The following PKNOX2 variants were observed in gnomAD, a reference collection of about 807,000 sequenced individuals.
PKNOX2 encodes the protein homeobox protein PKNOX2.
A neutral mutation model predicts 53.1 loss-of-function variants in PKNOX2; 14 were observed. The ratio of observed to expected loss-of-function variants is 0.26; its 90% CI spans 0.17 to 0.41. PKNOX2 has a LOEUF of 0.41. Among genes scored for constraint, PKNOX2 ranks in the 10% least tolerant of loss-of-function variants. The probability of loss-of-function intolerance (pLI) is 1.00; values close to 1 mark genes in which losing one functional copy is unlikely to be tolerated. For missense variants in PKNOX2, 496 were observed against 602.8 expected (o/e 0.82, Z 1.85); for synonymous variants, 257 against 242.8 (o/e 1.06, Z -0.54).
At chr11:125,416,117 A>C (rs1955860521) in intron 10 of PKNOX2, among the ~76,000 whole-genome samples, 1 of 151,562 alleles carries the variant, frequency 6.6e-6, no homozygotes, top group South Asian at 2.1e-4. Flanking sequence ...TCCCGGCTAA[A>C]ACGGTGAAAC....
chr11:125,286,183 A>G (rs1946886836), intron 2 of PKNOX2, among the ~76,000 whole-genome samples: 1 of 152,230 alleles, frequency 6.6e-6, no homozygotes, highest in African/African-American at 2.4e-5. Flanking sequence ...GGAATGGGAA[A>G]AAAACAGATG....
intron 9 of PKNOX2, 198 bp downstream of exon 9, chr11:125,411,074 C>T (rs1209026458): frequency 1.8e-6 from 1 of 553,188 alleles, no homozygotes; most frequent in Admixed American, 3.1e-5. Context: ...TGCTGCCTCC[C>T]TCCTGGGGTT....
intron 3 of PKNOX2, among the ~76,000 whole-genome samples, chr11:125,341,788 G>A (rs556019378): frequency 5.2e-5 from 8 of 152,390 alleles, no homozygotes; most frequent in Non-Finnish European, 8.8e-5. Flanking sequence ...TAGGTTGGGC[G>A]ACGGAGGGAG....
Position 125,167,414 on chromosome 11 carries a change from G to A in PKNOX2, c.-201+2638G>A, listed in dbSNP as rs143147023. Among the ~76,000 whole-genome samples, 342 of 152,272 alleles carry A rather than the reference G, an allele frequency of 2.2e-3. 1 individual carries two copies. Among genetic ancestry groups the A allele is most frequent in the African/African-American group, 8.0e-3 (333 of 41,572 alleles). The stretch of plus-strand genomic sequence containing the variant: ...GGAGCTCCAAGGCTGTTGTTTTGTA[G>A]GCTTGGAATTCGTGAGAGCTCTCTC... On this transcript the variant is annotated intron_variant, in intron 1 of 12. Coordinates refer to ENST00000298282, the MANE Select transcript of PKNOX2 (RefSeq NM_001382323.2).
chr11:125,189,435 GTGTGTGTGTGTGTATATATATATA>G (rs1460251261), intron 1 of PKNOX2, among the ~76,000 whole-genome samples: 23 of 79,594 alleles, frequency 2.9e-4, no homozygotes, highest in African/African-American at 8.2e-4. Context: ...GTGTGTGTGT[GTGTGTGTGTGTGTATATATATATA>G]TATATATATA....
chr11:125,335,036 C>T (rs1296256773), intron 3 of PKNOX2, among the ~76,000 whole-genome samples: 1 of 152,196 alleles, frequency 6.6e-6, no homozygotes, highest in African/African-American at 2.4e-5. Context: ...ATCAGAAATG[C>T]TCAGAAAATG....
intron 1 of PKNOX2, among the ~76,000 whole-genome samples, chr11:125,178,645 AGAAG>A (rs1555108397): frequency 3.5e-5 from 1 of 28,566 alleles, no homozygotes; most frequent in Non-Finnish European, 6.2e-5. Context: ...AAAGAAAGAA[AGAAG>A]GAAGGAAGGA....
chr11:125,220,363 A>T (rs752421839), intron 1 of PKNOX2, among the ~76,000 whole-genome samples: 9 of 152,182 alleles, frequency 5.9e-5, no homozygotes, highest in Non-Finnish European at 1.2e-4. Flanking sequence ...TTCTGCCGAG[A>T]GCGGCTGATT....
chr11:125,280,808 G>A, intron 2 of PKNOX2, among the ~76,000 whole-genome samples: 1 of 152,210 alleles, frequency 6.6e-6, no homozygotes, highest in South Asian at 2.1e-4. Flanking sequence ...GCACAGGCAT[G>A]GCAGGGCTCT....
At chr11:125,354,399 C>A (rs1188422201) in intron 4 of PKNOX2, among the ~76,000 whole-genome samples, 2 of 152,178 alleles carry the variant, frequency 1.3e-5, no homozygotes, top group African/African-American at 4.8e-5. Context: ...TGTTTCCTCA[C>A]AACCTGGGCA....
chr11:125,186,579 G>T (rs1956460048), intron 1 of PKNOX2, among the ~76,000 whole-genome samples: 2 of 152,174 alleles, frequency 1.3e-5, no homozygotes, highest in Admixed American at 1.3e-4. Flanking sequence ...TTGAGCCCAG[G>T]AGTTTATGGC....
intron 1 of PKNOX2, among the ~76,000 whole-genome samples, chr11:125,226,653 A>C (rs1941721643): frequency 1.3e-5 from 2 of 151,712 alleles, no homozygotes; most frequent in Admixed American, 1.3e-4. Flanking sequence ...CTCTTCTTTT[A>C]GATTTCCTGC....
chr11:125,216,207 T>C (rs1466307172), intron 1 of PKNOX2, among the ~76,000 whole-genome samples: 1 of 152,202 alleles, frequency 6.6e-6, no homozygotes, highest in Non-Finnish European at 1.5e-5. Flanking sequence ...GCTACAGCTG[T>C]TGTCTACCAG....
At chr11:125,270,680 G>A (rs1945726299) in intron 2 of PKNOX2, among the ~76,000 whole-genome samples, 1 of 152,198 alleles carries the variant, frequency 6.6e-6, no homozygotes, top group South Asian at 2.1e-4. Flanking sequence ...GAAAGCCAAT[G>A]TGGACTCCTC....
At chr11:125,266,516 AG>A (rs888367625) in intron 2 of PKNOX2, 2 of 152,154 alleles carry the variant, frequency 1.3e-5, no homozygotes, top group Admixed American at 1.3e-4. Flanking sequence ...GGAGGCAGGA[AG>A]GGGGTATTAA....
At chr11:125,358,002 G>C (rs1325937897) in intron 4 of PKNOX2, among the ~76,000 whole-genome samples, 1 of 151,978 alleles carries the variant, frequency 6.6e-6, no homozygotes, top group Non-Finnish European at 1.5e-5. Flanking sequence ...AGTCCATGTG[G>C]GGCCTTAGTT....
chr11:125,414,605 T>C (rs1955771736), intron 10 of PKNOX2, among the ~76,000 whole-genome samples: 1 of 152,066 alleles, frequency 6.6e-6, no homozygotes, highest in Non-Finnish European at 1.5e-5. Context: ...TCCCCAATCC[T>C]CAGCTGCTTC....
At chr11:125,172,949 G>C (rs769411145) in intron 1 of PKNOX2, among the ~76,000 whole-genome samples, 1 of 152,156 alleles carries the variant, frequency 6.6e-6, no homozygotes, top group Non-Finnish European at 1.5e-5. Flanking sequence ...AAACTCACTG[G>C]CTTCTTCATA....
intron 4 of PKNOX2, among the ~76,000 whole-genome samples, chr11:125,366,255 G>A (rs1024630716): frequency 1.3e-5 from 2 of 152,176 alleles, no homozygotes. Flanking sequence ...CTGGCTTCCA[G>A]GCACCATGAT....
Sources: gnomAD v4.1 joint callset for allele counts (sites outside exome capture counted in the v4.1 genomes callset) on GRCh38, gnomAD v4.1.1 for gene constraint, MANE v1.5 for transcripts, NCBI Gene and HGNC (gene_info 2026-07-23, HGNC 2026-07-21) for gene names.